ITGA9: variants seen among roughly 807,000 people sequenced by gnomAD.
ITGA9 encodes integrin alpha-9.
Under a neutral mutation model 127.8 loss-of-function variants are expected in ITGA9, and 56 were observed. The ratio of observed to expected loss-of-function variants is 0.44; its 90% CI spans 0.35 to 0.55. The LOEUF (loss-of-function observed/expected upper bound fraction) is 0.55, where lower values mean the gene tolerates loss of function less well. ITGA9 is among the 20% of genes least tolerant of loss of function. ITGA9 has a pLI of 0.00. For synonymous variants in ITGA9, 508 were observed against 514.5 expected, an observed-to-expected ratio of 0.99 and a Z score of 0.17; for missense variants, 1,196 against 1,347.1, an observed-to-expected ratio of 0.89 and a Z score of 1.76.
Position 37,681,407 on chromosome 3 carries a change from G to A in ITGA9, c.1917-2458G>A, listed in dbSNP as rs79392965. Among the ~76,000 whole-genome samples, 807 of 152,238 alleles carry A rather than the reference G, an allele frequency of 5.3e-3. 6 individuals are homozygous for A. The highest frequency in any genetic ancestry group is 0.027 in the Middle Eastern group (8 of 294). ...TCAAAATTTGTAGCCCTGGGTGGGA[G>A]CATCTGTTCTCACATCGCTGCCACT... is the stretch of plus-strand genomic sequence containing the variant. On this transcript the variant is annotated intron_variant, in intron 17 of 27. Coordinates refer to ENST00000264741, the MANE Select transcript of ITGA9 (RefSeq NM_002207.3).
At chr3:37,464,304 A>G (rs866410705) in intron 1 of ITGA9, among the ~76,000 whole-genome samples, 3 of 140,244 alleles carry the variant, frequency 2.1e-5, no homozygotes, top group Admixed American at 7.1e-5. Context: ...AACATAAGTG[A>G]CTCCATTTTG....
In ITGA9 at chr3:37,597,273, C is replaced by G. The variant is rs1699878608; in HGVS notation, c.1690-31914C>G. 6.6e-6 allele frequency among the ~76,000 whole-genome samples: 1 copy of G among 152,170 alleles called. No individual in the cohort carries two copies. Among genetic ancestry groups the G allele is most frequent in the African/African-American group, 2.4e-5 (1 of 41,424 alleles). On this transcript the variant is annotated intron_variant, in intron 15 of 27. Transcript: ENST00000264741. The surrounding 1 kb of genome is among the most constrained non-coding windows in gnomAD (Gnocchi z 4.6). The stretch of plus-strand genomic sequence containing the variant: ...TAGTGGGACCTGCTCAAGGTTTCAT[C>G]CAGGAGGCCAGGGAGAAAGGGCCAA...
chr3:37,547,471 C>A lies in ITGA9; in HGVS notation c.1689+4886C>A, dbSNP rs267536. Among the ~76,000 whole-genome samples the A allele has an allele frequency of 4.3e-4, 66 of 152,058 alleles. No individual in the cohort carries two copies. The East Asian group carries it at 9.7e-3, about 22-fold the overall frequency. On this transcript the variant is annotated intron_variant, in intron 15 of 27. Transcript: ENST00000264741. Reference sequence around the variant, plus strand: ...TCCATTTTCATATCCAACAAAATGCCTTGGGACCATGGCTTCAATCACATT... The same window carrying A: ...TCCATTTTCATATCCAACAAAATGCATTGGGACCATGGCTTCAATCACATT...
At chr3:37,812,627 C>T (rs1697382033) in intron 27 of ITGA9, among the ~76,000 whole-genome samples, 1 of 152,250 alleles carries the variant, frequency 6.6e-6, no homozygotes, top group African/African-American at 2.4e-5. Flanking sequence ...TACGAGGGTT[C>T]AGGGAGCTGC....
At position 37,616,259 on chromosome 3, in the gene ITGA9, A is replaced by G. The variant is rs1456172786; in HGVS notation, c.1690-12928A>G. On this transcript the variant is annotated intron_variant, in intron 15 of 27. Coordinates refer to ENST00000264741, the MANE Select transcript of ITGA9 (RefSeq NM_002207.3). ...TTCAGGAGCAGGTTGTTCAGTTTCC[A>G]TGTAGTTGAGCGGTTTTGAGTGAAT... Among the ~76,000 whole-genome samples the G allele has an allele frequency of 2.0e-5, 3 of 152,250 alleles. No homozygotes were observed. In the South Asian group the frequency reaches 6.2e-4, roughly 32 times the overall value.
At chr3:37,676,129 A>G (rs1700679990) in intron 17 of ITGA9, among the ~76,000 whole-genome samples, 1 of 152,254 alleles carries the variant, frequency 6.6e-6, no homozygotes, top group African/African-American at 2.4e-5. Context: ...ATGTATCATT[A>G]AAGATTTATC....
chr3:37,510,874 A>G (rs552661359), intron 8 of ITGA9, among the ~76,000 whole-genome samples: 13 of 152,088 alleles, frequency 8.5e-5, no homozygotes, highest in Non-Finnish European at 1.6e-4. Flanking sequence ...AGTGTCTCCA[A>G]CTAGATTTAC....
chr3:37,678,020 T>C (rs980207942), intron 17 of ITGA9, among the ~76,000 whole-genome samples: 11 of 152,214 alleles, frequency 7.2e-5, no homozygotes, highest in African/African-American at 2.2e-4. Flanking sequence ...ATTTCCATGA[T>C]TGAGAAAACT....
chr3:37,699,256 T>C (rs1053807763), intron 18 of ITGA9, among the ~76,000 whole-genome samples: 1 of 152,170 alleles, frequency 6.6e-6, no homozygotes, highest in African/African-American at 2.4e-5. Context: ...CAGAGCTCAC[T>C]CCTGAACTCC....
At chr3:37,790,360 G>A in intron 26 of ITGA9, 1 of 515,994 alleles carries the variant, frequency 1.9e-6, no homozygotes. Context: ...CCTGGGAGCA[G>A]GAGAGGGCTT....
intron 15 of ITGA9, among the ~76,000 whole-genome samples, chr3:37,610,506 T>G (rs1357031538): frequency 6.6e-6 from 1 of 152,218 alleles, no homozygotes; most frequent in East Asian, 1.9e-4. Context: ...TCCTAACAGC[T>G]TAAACAATCT....
chr3:37,791,428 G>C (rs535594313), intron 26 of ITGA9, among the ~76,000 whole-genome samples: 1 of 152,258 alleles, frequency 6.6e-6, no homozygotes, highest in East Asian at 1.9e-4. Context: ...GGATTCGAAG[G>C]CTATCCAGTG....
At chr3:37,518,093 CGTGTGT>C (rs55842055) in intron 10 of ITGA9, among the ~76,000 whole-genome samples, 2 of 144,106 alleles carry the variant, frequency 1.4e-5, no homozygotes, top group African/African-American at 5.1e-5. Flanking sequence ...AGAGTGTACG[CGTGTGT>C]GTGTGTGTGT....
intron 18 of ITGA9, among the ~76,000 whole-genome samples, chr3:37,702,992 G>C (rs1700964205): frequency 6.6e-6 from 1 of 152,052 alleles, no homozygotes; most frequent in African/African-American, 2.4e-5. Context: ...AAGGTTCCAG[G>C]TGTTGGGGTA....
At chr3:37,698,397 A>G (rs145824115) in intron 18 of ITGA9, among the ~76,000 whole-genome samples, 2,671 of 152,326 alleles carry the variant, frequency 0.018, 73 homozygotes, top group African/African-American at 0.061. Flanking sequence ...TGTTTTAGAC[A>G]TGAAGTCCTT....
At chr3:37,558,479 A>G (rs1465594536) in intron 15 of ITGA9, among the ~76,000 whole-genome samples, 1 of 152,066 alleles carries the variant, frequency 6.6e-6, no homozygotes, top group Non-Finnish European at 1.5e-5. Flanking sequence ...TCTATTTTCA[A>G]TTCACTTCTG....
chr3:37,482,268 T>C (rs1266891381), intron 4 of ITGA9, among the ~76,000 whole-genome samples: 1 of 152,222 alleles, frequency 6.6e-6, no homozygotes, highest in Non-Finnish European at 1.5e-5. Flanking sequence ...ATCCTGAATG[T>C]GGTTTTAAGA....
chr3:37,649,247 A>G (rs1398232659), intron 16 of ITGA9, among the ~76,000 whole-genome samples: 1 of 152,176 alleles, frequency 6.6e-6, no homozygotes. Context: ...TTAAATGTAA[A>G]AAGACTAACC....
intron 3 of ITGA9, among the ~76,000 whole-genome samples, chr3:37,481,253 T>C (rs1270756095): frequency 6.6e-6 from 1 of 152,148 alleles, no homozygotes; most frequent in African/African-American, 2.4e-5. Flanking sequence ...CTAGCTACAA[T>C]TCTCATTTGT....
Sources: gnomAD v4.1 joint callset for allele counts (sites outside exome capture counted in the v4.1 genomes callset) on GRCh38, gnomAD v4.1.1 for gene constraint, Gnocchi (gnomAD v3.1) non-coding constraint, MANE v1.5 for transcripts, NCBI Gene and HGNC (gene_info 2026-07-23, HGNC 2026-07-21) for gene names.